GEMIN8: variants seen among roughly 807,000 people sequenced by gnomAD.
GEMIN8 encodes the protein gem nuclear organelle associated protein 8.
For missense variants in GEMIN8, 185 were observed against 205.9 expected, an observed-to-expected ratio of 0.90 and a Z score of 0.62; for synonymous variants, 80 against 78.5, an observed-to-expected ratio of 1.02 and a Z score of -0.10.
chrX:13,999,841 CATCAT>C, the GEMIN8 span, among the ~76,000 whole-genome samples: 1 of 111,977 alleles, frequency 8.9e-6, no homozygotes, highest in African/African-American at 3.2e-5. Flanking sequence ...GCTCCCTTCT[CATCAT>C]ATCATATCAG....
chrX:13,991,412 T>A, the GEMIN8 span, among the ~76,000 whole-genome samples: 1 of 111,837 alleles, frequency 8.9e-6, no homozygotes, highest in Non-Finnish European at 1.9e-5. Flanking sequence ...AGGGGGGACA[T>A]CCTTAGCTTG....
the GEMIN8 span, among the ~76,000 whole-genome samples, chrX:13,994,600 C>T: frequency 1.8e-5 from 2 of 112,063 alleles, no homozygotes; most frequent in Admixed American, 9.5e-5. Flanking sequence ...GGTGAAAGAA[C>T]AGTTCCAGTA....
At chrX:13,990,214 A>C in the GEMIN8 span, among the ~76,000 whole-genome samples, 1 of 112,933 alleles carries the variant, frequency 8.9e-6, no homozygotes, top group Non-Finnish European at 1.9e-5. Context: ...TTCCTCCAGA[A>C]ACCAGTCCTG....
intron 4 of GEMIN8, among the ~76,000 whole-genome samples, chrX:14,010,875 C>G (rs1245685526): frequency 5.3e-5 from 6 of 112,227 alleles, no homozygotes; most frequent in African/African-American, 9.7e-5. Context: ...TGGGGGCCAC[C>G]AAGCATTTGT....
chrX:14,010,591 C>T (rs1296135724), intron 4 of GEMIN8, among the ~76,000 whole-genome samples: 4 of 112,356 alleles, frequency 3.6e-5, no homozygotes, highest in East Asian at 2.8e-4. Flanking sequence ...CATGCATAGT[C>T]GCTCGCATAA....
At position 14,014,497 on chromosome X, in the gene GEMIN8, C is replaced by T. The variant is rs183230005; in HGVS notation, c.473-5328G>A. 24 of 748,807 alleles carry T rather than the reference C, an allele frequency of 3.2e-5. No homozygotes were observed. In the African/African-American group the frequency reaches 3.5e-4, roughly 11 times the overall value. The allele number at this position is 748,807 out of a possible 1,213,427, so 61.7% of individuals were successfully genotyped here. Reference sequence around the variant, plus strand: ...TTCCACTTTTCTACAGCCATTAACACGTATCATCTCACTGATCGGTTTTGT... The same window carrying T: ...TTCCACTTTTCTACAGCCATTAACATGTATCATCTCACTGATCGGTTTTGT... On this transcript the variant is annotated intron_variant, in intron 4 of 4. Transcript: ENST00000680255.
Position 14,014,440 on chromosome X carries a change from C to A in GEMIN8, c.473-5271G>T. On this transcript the variant is annotated intron_variant, in intron 4 of 4. Coordinates refer to ENST00000680255, the MANE Select transcript of GEMIN8 (RefSeq NM_001042479.2). ...AGTTACTGGACAACCGCCATTTTTA[C>A]TTTTACAACAGAAGTGCATTTTCAT... The A allele has an allele frequency of 5.3e-6, 4 of 752,350 alleles. No individual in the cohort carries two copies. The South Asian group carries it at 2.7e-4, about 51-fold the overall frequency. 62.0% of individuals were successfully genotyped at this position (752,350 alleles called of 1,213,427 possible).
chrX:14,026,340 A>C (rs1924692525), intron 1 of GEMIN8, 119 bp from the exon 2 acceptor site: 7 of 747,049 alleles, frequency 9.4e-6, no homozygotes, highest in Non-Finnish European at 1.1e-5. Context: ...AGCCCAGGCG[A>C]GTACAGAGAC....
chrX:14,019,128 C>T (rs1402231450), intron 4 of GEMIN8, among the ~76,000 whole-genome samples: 3 of 111,922 alleles, frequency 2.7e-5, no homozygotes, highest in East Asian at 2.8e-4. Flanking sequence ...CAATGACAGA[C>T]AGGAATGAAA....
chrX:14,026,037 T>G (rs1274687304), intron 2 of GEMIN8, 103 bp downstream of exon 2: 20 of 746,831 alleles, frequency 2.7e-5, no homozygotes, highest in African/African-American at 4.6e-5. Flanking sequence ...CAGCAACACC[T>G]TCAGAGACTA....
chrX:14,009,336 G>A (rs1017726037), intron 4 of GEMIN8, among the ~76,000 whole-genome samples, 167 bp from the exon 5 acceptor site: 2 of 111,893 alleles, frequency 1.8e-5, no homozygotes, highest in Non-Finnish European at 3.8e-5. Context: ...CAGATGAGAT[G>A]CTTACCAGAT....
intron 4 of GEMIN8, chrX:14,014,033 A>AT: frequency 1.3e-6 from 1 of 749,699 alleles, no homozygotes; most frequent in Non-Finnish European, 1.6e-6. Flanking sequence ...GGAAAAAAAA[A>AT]ATCATGGAAA....
At chrX:14,009,685 A>T (rs1307945298) in intron 4 of GEMIN8, among the ~76,000 whole-genome samples, 2 of 112,054 alleles carry the variant, frequency 1.8e-5, no homozygotes, top group East Asian at 5.6e-4. Flanking sequence ...TGCACGGCCC[A>T]CTCACCACCT....
At position 14,020,119 on chromosome X, in the gene GEMIN8, C is replaced by A. The variant is rs1206528177; in HGVS notation, c.431G>T (p.Arg144Leu). The change falls in exon 4 of 5, where the codon CGC becomes CTC. Residue 144 changes from arginine (R) to leucine (L), a missense_variant. Coordinates refer to ENST00000680255, the MANE Select transcript of GEMIN8 (RefSeq NM_001042479.2). Reference protein sequence around the residue: ...LSNMEITEELRQYFAETERHR... With the variant: ...LSNMEITEELLQYFAETERHR... ...CCTCTCGGTCTCTGCAAAGTACTGG[C>A]GGAGCTCTTCAGTGATTTCCATATT... The A allele has an allele frequency of 8.3e-7, 1 of 1,205,633 alleles. No individual in the cohort carries two copies. The highest frequency in any genetic ancestry group is 1.1e-6 in the Non-Finnish European group (1 of 891,434).
At position 14,010,411 on chromosome X, in the gene GEMIN8, C is replaced by T. The variant is rs758737416; in HGVS notation, c.473-1242G>A. ...GACAGCAGGGAACACATATCCACGG[C>T]TACTATGGCTATCAAGAGAAACACC... On this transcript the variant is annotated intron_variant, in intron 4 of 4. Coordinates refer to ENST00000680255, the MANE Select transcript of GEMIN8 (RefSeq NM_001042479.2). 9.8e-4 allele frequency among the ~76,000 whole-genome samples: 110 copies of T among 111,737 alleles called. 2 individuals carry two copies. Among genetic ancestry groups the T allele is most frequent in the Non-Finnish European group, 3.9e-4 (21 of 53,176 alleles).
At position 14,008,957 on chromosome X, in the gene GEMIN8, G is replaced by C; in HGVS notation, c.685C>G (p.Arg229Gly). Residue 229 changes from arginine (R) to glycine (G), a missense_variant, in exon 5 of 5, where the codon CGA becomes GGA. Physicochemically the swap from Arg to Gly is moderately radical, Grantham distance 125 (BLOSUM62 -2). Coordinates refer to ENST00000680255, the MANE Select transcript of GEMIN8 (RefSeq NM_001042479.2). ...ACCGGCCAGTACTTGGGCTGCTTTCGGTCACAGTGCTTGTCAAAGCTCAGC... is the reference window on the plus strand; with the variant it reads ...ACCGGCCAGTACTTGGGCTGCTTTCCGTCACAGTGCTTGTCAAAGCTCAGC... ...VQLSFDKHCD[R>G]KQPKYWPVIP... 1 of 1,210,601 alleles carries C rather than the reference G, an allele frequency of 8.3e-7. No individual in the cohort carries two copies. Among genetic ancestry groups the C allele is most frequent in the Non-Finnish European group, 1.1e-6 (1 of 894,268 alleles).
chrX:14,007,628 C>T lies in GEMIN8; in HGVS notation c.*1285G>A, dbSNP rs556629128. On this transcript the variant is annotated 3_prime_UTR_variant, in exon 5 of 5. Transcript: ENST00000680255. Reference sequence around the variant, plus strand: ...CTGCAAGCTCCGCCTCCTGGGTTCACGCCATTCTCCTGCCTCAGCCTCCCA... The same window carrying T: ...CTGCAAGCTCCGCCTCCTGGGTTCATGCCATTCTCCTGCCTCAGCCTCCCA... Among the ~76,000 whole-genome samples the T allele has an allele frequency of 1.8e-5, 2 of 108,870 alleles. No homozygotes were observed. The highest frequency in any genetic ancestry group is 6.7e-5 in the African/African-American group (2 of 29,784). The allele number at this position is 108,870 out of a possible 115,157, so 94.5% of individuals were successfully genotyped here.
At chrX:14,009,409 G>A (rs1320684468) in intron 4 of GEMIN8, among the ~76,000 whole-genome samples, 1 of 111,631 alleles carries the variant, frequency 9.0e-6, no homozygotes, top group African/African-American at 3.3e-5. Flanking sequence ...TATACACTGA[G>A]AGAAATGGCA....
At chrX:13,993,877 G>A in the GEMIN8 span, among the ~76,000 whole-genome samples, 12 of 111,584 alleles carry the variant, frequency 1.1e-4, no homozygotes, top group Middle Eastern at 9.1e-3. Flanking sequence ...CATGTTCTTG[G>A]ACCCCACCCC....
Sources: gnomAD v4.1 joint callset for allele counts (sites outside exome capture counted in the v4.1 genomes callset) on GRCh38, gnomAD v4.1.1 for gene constraint, MANE v1.5 for transcripts, NCBI Gene and HGNC (gene_info 2026-07-23, HGNC 2026-07-21) for gene names.